The following MYOG variants were observed in gnomAD, a reference collection of about 807,000 sequenced individuals.
MYOG encodes class C basic helix-loop-helix protein 3.
In MYOG, 6 loss-of-function variants were observed where a neutral mutation model predicts 17.7. That is an observed-to-expected ratio of 0.34 (90% CI 0.19 to 0.67). The LOEUF (loss-of-function observed/expected upper bound fraction) is 0.67, where lower values mean the gene tolerates loss of function less well. MYOG is among the 30% of genes least tolerant of loss of function. The pLI is 0.69. For synonymous variants in MYOG, 125 were observed against 130.2 expected (o/e 0.96, Z 0.27); for missense variants, 272 against 302.0 (o/e 0.90, Z 0.74).
intron 1 of MYOG, among the ~76,000 whole-genome samples, chr1:203,085,010 G>A (rs1653584591): frequency 1.3e-5 from 2 of 152,216 alleles, no homozygotes; most frequent in African/African-American, 2.4e-5. Flanking sequence ...TGACTCTGGC[G>A]ATAAGGGTGA....
Position 203,083,183 on chromosome 1 carries a change from C to CAAAAAAAAAAAAAAAAAAAAAAAAA in MYOG, c.*726_*727insTTTTTTTTTTTTTTTTTTTTTTTTT, listed in dbSNP as rs71142588. ...AAAAAAGGAAATCCAAATAAGTTAGCAAAAAAAAAAAAAAAAAAAAAAAAT... is the reference window on the plus strand; with the variant it reads ...AAAAAAGGAAATCCAAATAAGTTAGCAAAAAAAAAAAAAAAAAAAAAAAAAAAAAAAAAAAAAAAAAAAAAAAAAT... On this transcript the variant is annotated 3_prime_UTR_variant, in exon 3 of 3. Coordinates refer to ENST00000241651, the MANE Select transcript of MYOG (RefSeq NM_002479.6). The CAAAAAAAAAAAAAAAAAAAAAAAAA allele has an allele frequency of 1.0e-5, 1 of 99,374 alleles. No homozygotes were observed. The highest frequency in any genetic ancestry group is 2.1e-5 in the Non-Finnish European group (1 of 48,534). The allele number at this position is 99,374 out of a possible 1,614,324, so 6.2% of individuals were successfully genotyped here. A position where few individuals can be genotyped will look rare whatever the true frequency, so the allele number is the denominator to read the frequency against.
Position 203,085,852 on chromosome 1 carries a change from C to A in MYOG, c.110G>T (p.Arg37Leu), listed in dbSNP as rs115855025. 2 of 1,613,950 alleles carry A rather than the reference C, an allele frequency of 1.2e-6. No individual in the cohort carries two copies. Among genetic ancestry groups the A allele is most frequent in the South Asian group, 2.2e-5 (2 of 91,080 alleles). The change falls in exon 1 of 3, where the codon CGG becomes CTG. Residue 37 changes from arginine (R) to leucine (L), a missense_variant. Coordinates refer to ENST00000241651, the MANE Select transcript of MYOG (RefSeq NM_002479.6). ...CTCGGGGCTCAGGGTGAGCTCCGTCCGCTCGTAGCCTGGTGGTTCGAAGCC... is the reference window on the plus strand; with the variant it reads ...CTCGGGGCTCAGGGTGAGCTCCGTCAGCTCGTAGCCTGGTGGTTCGAAGCC... ...LQGFEPPGYE[R>L]TELTLSPEAP...
intron 2 of MYOG, 120 bp from the exon 3 acceptor site, chr1:203,084,151 C>A (rs1198294601): frequency 7.6e-7 from 1 of 1,316,160 alleles, no homozygotes; most frequent in African/African-American, 1.5e-5. Context: ...TGACAAAGCT[C>A]CGGAGTTCTA....
At position 203,083,774 on chromosome 1, in the gene MYOG, T is replaced by G; in HGVS notation, c.*136A>C. ...AACCTTACATGGATGAGGAAGGGGA[T>G]AGTCTGGCCTATGGCACCCCAGAGC... On this transcript the variant is annotated 3_prime_UTR_variant, in exon 3 of 3. Coordinates refer to ENST00000241651, the MANE Select transcript of MYOG (RefSeq NM_002479.6). 1 of 1,303,992 alleles carries G rather than the reference T, an allele frequency of 7.7e-7. No homozygotes were observed. 80.8% of individuals were successfully genotyped at this position (1,303,992 alleles called of 1,614,324 possible). A position where few individuals can be genotyped will look rare whatever the true frequency, so the allele number is the denominator to read the frequency against.
rs1044302313 is a variant in MYOG, at chr1:203,084,649, C to G, written c.551G>C (p.Gly184Ala). Residue 184 changes from glycine to alanine, a missense_variant and splice_region_variant, in exon 2 of 3, where the codon GGG becomes GCG. Coordinates refer to ENST00000241651, the MANE Select transcript of MYOG (RefSeq NM_002479.6). ...GTTACCAGTCAGGCCTTACTTACCC[C>G]CTGGGTTGGCGCTGAACTCCAGTGC... ...GSALEFSANP[G>A]DHLLTADPTD... 14 of 1,609,738 alleles carry G rather than the reference C, an allele frequency of 8.7e-6. No homozygotes were observed. The African/African-American group carries it at 1.7e-4, about 20-fold the overall frequency.
At position 203,083,588 on chromosome 1, in the gene MYOG, C is replaced by T. The variant is rs534383385; in HGVS notation, c.*322G>A. ...TCACTTGGGGGGTGGAATTAGAGGC[C>T]GCGTTATGATAAAAAGGAAGCTCCT... On this transcript the variant is annotated 3_prime_UTR_variant, in exon 3 of 3. Transcript: ENST00000241651. 45 of 530,850 alleles carry T rather than the reference C, an allele frequency of 8.5e-5. No homozygotes were observed. The highest frequency in any genetic ancestry group is 8.2e-4 in the East Asian group (29 of 35,544). 32.9% of individuals were successfully genotyped at this position (530,850 alleles called of 1,614,324 possible). A position where few individuals can be genotyped will look rare whatever the true frequency, so the allele number is the denominator to read the frequency against.
At position 203,085,515 on chromosome 1, in the gene MYOG, C is replaced by T. The variant is rs765050820; in HGVS notation, c.447G>A (p.Arg149=). Residue 149 remains arginine (R), a synonymous_variant, in exon 1 of 3, where the codon CGG becomes CGA. Coordinates refer to ENST00000241651, the MANE Select transcript of MYOG (RefSeq NM_002479.6). ...LNQEERDLRY[R]GGGGPQPGVP... ...CCCCTGGCTGGGGCCCGCCCCCGCC[C>T]CGGTAGCGGAGGTCACGCTCCTCCT... is the stretch of plus-strand genomic sequence containing the variant. 6.2e-7 allele frequency: 1 copy of T among 1,613,522 alleles called. No individual in the cohort carries two copies. The highest frequency in any genetic ancestry group is 8.5e-7 in the Non-Finnish European group (1 of 1,179,610).
rs1653612037 is a variant in MYOG at position 203,085,910 on chromosome 1, C to T, written c.52G>A (p.Asp18Asn). 6 of 1,608,700 alleles carry T rather than the reference C, an allele frequency of 3.7e-6. No individual in the cohort carries two copies. Among genetic ancestry groups the T allele is most frequent in the South Asian group, 1.1e-5 (1 of 90,312 alleles). The change falls in exon 1 of 3, where the codon GAT becomes AAT. Residue 18 changes from aspartate to asparagine, a missense_variant. Coordinates refer to ENST00000241651, the MANE Select transcript of MYOG (RefSeq NM_002479.6). ...TGGACAGGCAGGTAGTTTTCCCCAT[C>T]ATAGAAGCGGGGTTCCTGGTAGAAG... ...PYFYQEPRFY[D>N]GENYLPVHLQ...
intron 1 of MYOG, 98 bp from the exon 2 acceptor site, chr1:203,084,826 G>A (rs1410119885): frequency 7.9e-6 from 10 of 1,272,334 alleles, no homozygotes; most frequent in Non-Finnish European, 1.0e-5. Context: ...TGGTGGGGTT[G>A]GAGGGTGGGC....
Position 203,083,770 on chromosome 1 carries a change from G to T in MYOG, c.*140C>A. 7.8e-7 allele frequency: 1 copy of T among 1,286,384 alleles called. No individual in the cohort carries two copies. Among genetic ancestry groups the T allele is most frequent in the Non-Finnish European group, 1.1e-6 (1 of 930,574 alleles). 79.7% of individuals were successfully genotyped at this position (1,286,384 alleles called of 1,614,324 possible). On this transcript the variant is annotated 3_prime_UTR_variant, in exon 3 of 3. Transcript: ENST00000241651. The stretch of plus-strand genomic sequence containing the variant: ...GGTTAACCTTACATGGATGAGGAAG[G>T]GGATAGTCTGGCCTATGGCACCCCA...
chr1:203,085,405 T>C (rs1357432957), intron 1 of MYOG, 86 bp downstream of exon 1: 2 of 1,284,014 alleles, frequency 1.6e-6, no homozygotes, highest in Non-Finnish European at 2.1e-6. Context: ...ACCAACCCTC[T>C]GAGCCCCTCT....
chr1:203,083,559 C>T lies in MYOG; in HGVS notation c.*351G>A, dbSNP rs907864868. 5.8e-6 allele frequency: 3 copies of T among 517,934 alleles called. No individual in the cohort carries two copies. The highest frequency in any genetic ancestry group is 3.2e-5 in the Admixed American group (1 of 31,280). The allele number at this position is 517,934 out of a possible 1,614,324, so 32.1% of individuals were successfully genotyped here. On this transcript the variant is annotated 3_prime_UTR_variant, in exon 3 of 3. Coordinates refer to ENST00000241651, the MANE Select transcript of MYOG (RefSeq NM_002479.6). Reference sequence around the variant, plus strand: ...GGTCAGGGCACTGCGTCTCTCAAACCGTTTCACTTGGGGGGTGGAATTAGA... The same window carrying T: ...GGTCAGGGCACTGCGTCTCTCAAACTGTTTCACTTGGGGGGTGGAATTAGA...
chr1:203,085,883 G>C lies in MYOG; in HGVS notation c.79C>G (p.Leu27Val). The C allele has an allele frequency of 6.2e-7, 1 of 1,613,536 alleles. No homozygotes were observed. Among genetic ancestry groups the C allele is most frequent in the South Asian group, 1.1e-5 (1 of 91,020 alleles). Reference sequence around the variant, plus strand: ...TAGCCTGGTGGTTCGAAGCCCTGGAGGTGGACAGGCAGGTAGTTTTCCCCA... The same window carrying C: ...TAGCCTGGTGGTTCGAAGCCCTGGACGTGGACAGGCAGGTAGTTTTCCCCA... Reference protein sequence around the residue: ...YDGENYLPVHLQGFEPPGYER... With the variant: ...YDGENYLPVHVQGFEPPGYER... Residue 27 changes from leucine (L) to valine (V), a missense_variant, in exon 1 of 3, where the codon CTC becomes GTC. Leu to Val is a conservative substitution (Grantham distance 32). Transcript: ENST00000241651.
At chr1:203,085,304 G>C (rs1347624523) in intron 1 of MYOG, among the ~76,000 whole-genome samples, 187 bp downstream of exon 1, 2 of 152,196 alleles carry the variant, frequency 1.3e-5, no homozygotes, top group Non-Finnish European at 2.9e-5. Context: ...ATCTTGTCTG[G>C]AAAGAACACA....
Position 203,083,428 on chromosome 1 carries a change from C to T in MYOG, c.*482G>A, listed in dbSNP as rs1412965293. 1 of 364,400 alleles carries T rather than the reference C, an allele frequency of 2.7e-6. No individual in the cohort carries two copies. Among genetic ancestry groups the T allele is most frequent in the East Asian group, 4.1e-5 (1 of 24,368 alleles). 22.6% of individuals were successfully genotyped at this position (364,400 alleles called of 1,614,324 possible). A position where few individuals can be genotyped will look rare whatever the true frequency, so the allele number is the denominator to read the frequency against. On this transcript the variant is annotated 3_prime_UTR_variant, in exon 3 of 3. Transcript: ENST00000241651. ...GTTTGGCCCCCCAGGGACTTGGGAA[C>T]AGAGGGCTGTTCCTCTCCCCTTCTT... is the stretch of plus-strand genomic sequence containing the variant.
At position 203,084,660 on chromosome 1, in the gene MYOG, G is replaced by A. The variant is rs369579382; in HGVS notation, c.540C>T (p.Ser180=). 8.1e-6 allele frequency: 13 copies of A among 1,610,412 alleles called. No individual in the cohort carries two copies. Among genetic ancestry groups the A allele is most frequent in the Admixed American group, 5.0e-5 (3 of 59,662 alleles). ...SPEWGSALEF[S]ANPGDHLLTA... ...GGCCTTACTTACCCCCTGGGTTGGC[G>A]CTGAACTCCAGTGCACTGCCCCACT... The change falls in exon 2 of 3, where the codon AGC becomes AGT. Residue 180 remains serine (S), a synonymous_variant. Coordinates refer to ENST00000241651, the MANE Select transcript of MYOG (RefSeq NM_002479.6).
Position 203,085,897 on chromosome 1 carries a change from T to C in MYOG, c.65A>G (p.Tyr22Cys). ...QEPRFYDGEN[Y>C]LPVHLQGFEP... ...GAAGCCCTGGAGGTGGACAGGCAGG[T>C]AGTTTTCCCCATCATAGAAGCGGGG... is the stretch of plus-strand genomic sequence containing the variant. Residue 22 changes from tyrosine to cysteine, a missense_variant, in exon 1 of 3, where the codon TAC (tyrosine) becomes TGC (cysteine). By Grantham distance (194) the Tyr-to-Cys change is radical. Coordinates refer to ENST00000241651, the MANE Select transcript of MYOG (RefSeq NM_002479.6). 1.2e-6 allele frequency: 2 copies of C among 1,612,012 alleles called. No individual in the cohort carries two copies. The highest frequency in any genetic ancestry group is 1.7e-6 in the Non-Finnish European group (2 of 1,179,206).
rs1195345983 is a variant in MYOG at position 203,084,720 on chromosome 1, G to A, written c.480C>T (p.Ser160=). The A allele has an allele frequency of 2.5e-6, 4 of 1,608,500 alleles. No individual in the cohort carries two copies. The highest frequency in any genetic ancestry group is 2.7e-5 in the African/African-American group (2 of 74,800). The change falls in exon 2 of 3, where the codon AGC becomes AGT. Residue 160 remains serine (S), a synonymous_variant. Coordinates refer to ENST00000241651, the MANE Select transcript of MYOG (RefSeq NM_002479.6). ...GGGGPQPGVP[S]ECSSHSASCS... ...AGGAGGCGCTGTGAGAGCTGCATTC[G>A]CTGGGCACCTGCAAGACAGGGCGAA... is the stretch of plus-strand genomic sequence containing the variant.
chr1:203,085,393 G>T, intron 1 of MYOG, 98 bp downstream of exon 1: 1 of 1,169,674 alleles, frequency 8.5e-7, no homozygotes, highest in Non-Finnish European at 1.2e-6. Flanking sequence ...TCTGGCACCT[G>T]CACCAACCCT....
Sources: gnomAD v4.1 joint callset for allele counts (sites outside exome capture counted in the v4.1 genomes callset) on GRCh38, gnomAD v4.1.1 for gene constraint, MANE v1.5 for transcripts, NCBI Gene and HGNC (gene_info 2026-07-23, HGNC 2026-07-21) for gene names.